Variants in HDAC7 observed in about 807,000 individuals in gnomAD.
HDAC7 encodes the protein histone deacetylase 7.
In HDAC7, 26 loss-of-function variants were observed where a neutral mutation model predicts 115.5. That is an observed-to-expected ratio of 0.23 (90% CI 0.16 to 0.31). The LOEUF (loss-of-function observed/expected upper bound fraction) is 0.31. HDAC7 is among the 10% of genes least tolerant of loss of function. The pLI is 1.00. For missense variants in HDAC7, 1,068 were observed against 1,329.0 expected (o/e 0.80, Z 3.05); for synonymous variants, 564 against 550.9 (o/e 1.02, Z -0.33).
At chr12:47,790,274 G>A (rs1029872696) in intron 16 of HDAC7, 8 of 278,900 alleles carry the variant, frequency 2.9e-5, no homozygotes, top group Admixed American at 1.3e-4. Context: ...CAGGCCCTGC[G>A]GGACGGTCGG....
Position 47,803,417 on chromosome 12 carries a change from G to T in HDAC7, c.20-1143C>A, listed in dbSNP as rs562431670. On this transcript the variant is annotated intron_variant, in intron 1 of 25. Coordinates refer to ENST00000080059, the MANE Select transcript of HDAC7 (RefSeq NM_015401.5). The surrounding 1 kb of genome is among the most constrained non-coding windows in gnomAD (Gnocchi z 4.0). ...GAACTTCCTGCAGGCAGGCGCTGCT[G>T]GGGGAGGGGGCAGCCTGGGCACAGG... 6.6e-6 allele frequency among the ~76,000 whole-genome samples: 1 copy of T among 152,316 alleles called. No individual in the cohort carries two copies. Among genetic ancestry groups the T allele is most frequent in the East Asian group, 1.9e-4 (1 of 5,188 alleles).
chr12:47,785,596 G>T (rs777332411), intron 23 of HDAC7, 125 bp from the exon 24 acceptor site: 3 of 1,371,440 alleles, frequency 2.2e-6, no homozygotes, highest in East Asian at 2.4e-5. Context: ...ATGCTGCCTG[G>T]ACCTAACTTG....
In HDAC7 at chr12:47,798,315, G is replaced by A; in HGVS notation, c.350-96C>T. On this transcript the variant is annotated intron_variant, in intron 4 of 25. Coordinates refer to ENST00000080059, the MANE Select transcript of HDAC7 (RefSeq NM_015401.5). The surrounding 1 kb of genome is among the most constrained non-coding windows in gnomAD (Gnocchi z 4.3). ...GCCCTGTCCCCATCCTCAGTAGGAGGCGTCCCAGGGACTCCCTAGGCAAGA... is the reference window on the plus strand; with the variant it reads ...GCCCTGTCCCCATCCTCAGTAGGAGACGTCCCAGGGACTCCCTAGGCAAGA... 3 of 1,047,414 alleles carry A rather than the reference G, an allele frequency of 2.9e-6. No homozygotes were observed. The highest frequency in any genetic ancestry group is 4.4e-6 in the Non-Finnish European group (3 of 678,044). The allele number at this position is 1,047,414 out of a possible 1,614,324, so 64.9% of individuals were successfully genotyped here. A position where few individuals can be genotyped will look rare whatever the true frequency, so the allele number is the denominator to read the frequency against.
intron 16 of HDAC7, chr12:47,790,304 A>C: frequency 4.3e-6 from 1 of 230,628 alleles, no homozygotes; most frequent in Non-Finnish European, 9.0e-6. Flanking sequence ...GGCCGTCTGC[A>C]CCACTGTCTT....
intron 2 of HDAC7, among the ~76,000 whole-genome samples, chr12:47,799,435 G>A (rs989632364): frequency 2.0e-5 from 3 of 152,234 alleles, no homozygotes; most frequent in African/African-American, 7.2e-5. Context: ...CAGGCAAACA[G>A]GCCCACTTTG....
In HDAC7 at chr12:47,796,251, G is replaced by A. The variant is rs751629312; in HGVS notation, c.751C>T (p.Pro251Ser). 2 of 1,602,554 alleles carry A rather than the reference G, an allele frequency of 1.2e-6. No homozygotes were observed. Among genetic ancestry groups the A allele is most frequent in the Non-Finnish European group, 8.5e-7 (1 of 1,177,040 alleles). ...TTGGGGCCGTGCTCGCTGTCATTGG[G>A]GGAGCTGCACCCTGATGCGGGCGTG... is the stretch of plus-strand genomic sequence containing the variant. ...SSTPASGCSS[P>S]NDSEHGPNPI... The change falls in exon 8 of 26, where the codon CCC (proline) becomes TCC (serine). Residue 251 changes from proline (P) to serine (S), a missense_variant. Physicochemically the swap from Pro to Ser is moderately conservative, Grantham distance 74 (BLOSUM62 -1). This residue lies in a region of HDAC7 where 618 missense variants were observed against 701.5 expected (regional missense o/e 0.88). Coordinates refer to ENST00000080059, the MANE Select transcript of HDAC7 (RefSeq NM_015401.5).
Position 47,795,708 on chromosome 12 carries a change from G to A in HDAC7, c.966C>T (p.Ser322=). 2 of 1,549,480 alleles carry A rather than the reference G, an allele frequency of 1.3e-6. No individual in the cohort carries two copies. The highest frequency in any genetic ancestry group is 1.7e-6 in the Non-Finnish European group (2 of 1,146,114). ...GGGGCAGGAAGAGGGGAGTGTGGGG[G>A]CTCCCCAGGATTGGCCCCCGAGGGC... ...TLGPRGPILG[S]PHTPLFLPHG... The change falls in exon 10 of 26, where the codon AGC becomes AGT. Residue 322 remains serine (S), a synonymous_variant. Coordinates refer to ENST00000080059, the MANE Select transcript of HDAC7 (RefSeq NM_015401.5). The surrounding 1 kb of genome is among the most constrained non-coding windows in gnomAD (Gnocchi z 4.3).
At chr12:47,815,943 G>A (rs1409918023) in intron 1 of HDAC7, among the ~76,000 whole-genome samples, 1 of 148,242 alleles carries the variant, frequency 6.7e-6, no homozygotes, top group Non-Finnish European at 1.5e-5. Flanking sequence ...CCAGGCTGGA[G>A]TGCAATGGCG....
rs2240104 is a variant in HDAC7 at position 47,796,895 on chromosome 12, C to T, written c.703+122G>A. 1,371 of 1,109,614 alleles carry T rather than the reference C, an allele frequency of 1.2e-3. 40 individuals are homozygous for T. The East Asian group carries it at 0.037, about 30-fold the overall frequency. The allele number at this position is 1,109,614 out of a possible 1,614,324, so 68.7% of individuals were successfully genotyped here. A position where few individuals can be genotyped will look rare whatever the true frequency, so the allele number is the denominator to read the frequency against. On this transcript the variant is annotated intron_variant, in intron 7 of 25. Transcript: ENST00000080059. ...CCGCTTCGGCAAGTGTGTGGGACAC[C>T]CCCATGCAACCACGCATGGCAGTCC...
intron 18 of HDAC7, 27 bp downstream of exon 18, chr12:47,789,496 C>T: frequency 6.2e-7 from 1 of 1,612,678 alleles, no homozygotes; most frequent in Non-Finnish European, 8.5e-7. Flanking sequence ...CCCACCTCAT[C>T]CCACCCAGGT....
At chr12:47,814,045 G>A (rs1944777325) in intron 1 of HDAC7, among the ~76,000 whole-genome samples, 1 of 152,230 alleles carries the variant, frequency 6.6e-6, no homozygotes, top group Non-Finnish European at 1.5e-5. Flanking sequence ...AGGTGGACCA[G>A]ACAGGGGCAT....
chr12:47,786,239 T>C (rs2240109), intron 22 of HDAC7, among the ~76,000 whole-genome samples: 120,609 of 152,152 alleles, frequency 0.79, 48,072 homozygotes, highest in East Asian at 0.92. Context: ...GAGTGCTGCT[T>C]CTCTCTCCCC....
rs972029864 is a variant in HDAC7 at position 47,803,040 on chromosome 12, C to T, written c.20-766G>A. ...AATCTTTTCTTTTGGAAATGGCTAC[C>T]TCTCTCAGGCTCCTAAGCCCAGCAA... is the stretch of plus-strand genomic sequence containing the variant. On this transcript the variant is annotated intron_variant, in intron 1 of 25. Coordinates refer to ENST00000080059, the MANE Select transcript of HDAC7 (RefSeq NM_015401.5). The surrounding 1 kb of genome is among the most constrained non-coding windows in gnomAD (Gnocchi z 4.0). Among the ~76,000 whole-genome samples, 1 of 152,192 alleles carries T rather than the reference C, an allele frequency of 6.6e-6. No homozygotes were observed. The highest frequency in any genetic ancestry group is 1.5e-5 in the Non-Finnish European group (1 of 68,036).
chr12:47,806,687 T>TCAAAAA (rs926542765), intron 1 of HDAC7, among the ~76,000 whole-genome samples: 2 of 152,006 alleles, frequency 1.3e-5, no homozygotes, highest in Non-Finnish European at 2.9e-5. Context: ...AGACTCCGTC[T>TCAAAAA]CAAAAACAAA....
chr12:47,789,388 C>G, intron 18 of HDAC7, 40 bp from the exon 19 acceptor site: 2 of 1,586,310 alleles, frequency 1.3e-6, no homozygotes, highest in Non-Finnish European at 1.7e-6. Flanking sequence ...ATTCTCTCCA[C>G]ATGCCCTCAC....
At position 47,783,871 on chromosome 12, in the gene HDAC7, C is replaced by G; in HGVS notation, c.2946G>C (p.Leu982=). The G allele has an allele frequency of 6.2e-7, 1 of 1,612,378 alleles. No homozygotes were observed. Among genetic ancestry groups the G allele is most frequent in the South Asian group, 1.1e-5 (1 of 90,476 alleles). ...GATTCATAGGTTCTTCCTCCTCCAC[C>G]AGCTGCTCCGAGGGCCTGTGGGGAG... The part of the protein sequence containing the change: ...ILAEDRPSEQ[L]VEEEEPMNL The change falls in exon 26 of 26, where the codon CTG becomes CTC. Residue 982 remains leucine (L), a synonymous_variant. Transcript: ENST00000080059.
rs371297447 is a variant in HDAC7, at chr12:47,798,855, C to T, written c.188G>A (p.Arg63His). Residue 63 changes from arginine to histidine, a missense_variant, in exon 3 of 26, where the codon CGT becomes CAT. By Grantham distance (29) the Arg-to-His change is conservative (BLOSUM62 0). Around this residue, in one of 6 missense-constraint regions of HDAC7, gnomAD observed 161 missense variants for 158.5 expected, o/e 1.02. Transcript: ENST00000080059. This position sits in a 1 kb window ranked among gnomAD's most constrained non-coding sequence, Gnocchi z 4.3. ...GAGGTGGTGGTGCAGGCGCTGGGGA[C>T]GCTGCAGGGCCAGCAATGTGGGCTC... ...PPEPTLLALQ[R>H]PQRLHHHLFL... The T allele has an allele frequency of 3.1e-5, 48 of 1,557,584 alleles. 1 individual carries two copies. In the African/African-American group the frequency reaches 3.3e-4, roughly 11 times the overall value.
intron 1 of HDAC7, among the ~76,000 whole-genome samples, chr12:47,811,110 C>T (rs1018628756): frequency 2.0e-5 from 3 of 152,214 alleles, no homozygotes; most frequent in African/African-American, 7.2e-5. Flanking sequence ...TGAATCCTGA[C>T]ACTCACAGGG....
At chr12:47,802,453 GT>G in intron 1 of HDAC7, 179 bp from the exon 2 acceptor site, 1 of 1,551,184 alleles carries the variant, frequency 6.4e-7, no homozygotes, top group Non-Finnish European at 8.7e-7. Flanking sequence ...GACTCCTCCA[GT>G]CCCCCTGCTG....
Sources: gnomAD v4.1 joint callset for allele counts (sites outside exome capture counted in the v4.1 genomes callset) on GRCh38, gnomAD v4.1.1 for gene constraint, gnomAD v4.1.1 regional missense constraint, Gnocchi (gnomAD v3.1) non-coding constraint, MANE v1.5 for transcripts, NCBI Gene and HGNC (gene_info 2026-07-23, HGNC 2026-07-21) for gene names.